The following TM9SF2 variants were observed in gnomAD, a reference collection of about 807,000 sequenced individuals.
TM9SF2 encodes 76 kDa membrane protein.
In TM9SF2, 13 loss-of-function variants were observed where a neutral mutation model predicts 84.9. That is an observed-to-expected ratio of 0.15 (90% CI 0.10 to 0.24). The LOEUF is 0.24. TM9SF2 is among the 10% of genes least tolerant of loss of function. TM9SF2 has a pLI of 1.00. For synonymous variants in TM9SF2, 273 were observed against 285.8 expected, an observed-to-expected ratio of 0.96 and a Z score of 0.45; for missense variants, 562 against 818.5, an observed-to-expected ratio of 0.69 and a Z score of 3.82.
intron 12 of TM9SF2, 116 bp from the exon 13 acceptor site, chr13:99,552,051 A>C: frequency 1.0e-6 from 1 of 982,514 alleles, no homozygotes; most frequent in Admixed American, 2.9e-5. Flanking sequence ...GTGATGCAGC[A>C]ATTCCACTTT....
intron 5 of TM9SF2, 42 bp downstream of exon 5, chr13:99,536,779 C>T: frequency 6.2e-7 from 1 of 1,604,342 alleles, no homozygotes; most frequent in Non-Finnish European, 8.5e-7. Flanking sequence ...TAAAACATGG[C>T]TTTTGATAGA....
intron 3 of TM9SF2, among the ~76,000 whole-genome samples, chr13:99,521,206 A>G (rs993843936): frequency 6.6e-6 from 1 of 152,252 alleles, no homozygotes; most frequent in African/African-American, 2.4e-5. Flanking sequence ...TCCACTTCAC[A>G]GTTTGTTATT....
chr13:99,552,261 G>A lies in TM9SF2; in HGVS notation c.1423G>A (p.Ala475Thr), dbSNP rs1328733980. 3.7e-6 allele frequency: 6 copies of A among 1,613,968 alleles called. No homozygotes were observed. Among genetic ancestry groups the A allele is most frequent in the Non-Finnish European group, 5.1e-6 (6 of 1,179,998 alleles). ...TTTTGGGACACTGGTTGCCATATTG[G>A]CCCTTTGGTTCTGCATATCTGTGCC... ...IPFGTLVAIL[A>T]LWFCISVPLT... The change falls in exon 13 of 17, where the codon GCC becomes ACC. Residue 475 changes from alanine (A) to threonine (T), a missense_variant. Around this residue, in one of 4 missense-constraint regions of TM9SF2, gnomAD observed 219 missense variants for 338.1 expected, o/e 0.65. Coordinates refer to ENST00000376387, the MANE Select transcript of TM9SF2 (RefSeq NM_004800.3).
chr13:99,554,594 C>T, intron 14 of TM9SF2, 139 bp downstream of exon 14: 1 of 908,118 alleles, frequency 1.1e-6, no homozygotes, highest in Non-Finnish European at 1.6e-6. Context: ...AAGCCAAAAG[C>T]TTATTTTTAT....
chr13:99,540,573 C>A, intron 7 of TM9SF2, 141 bp from the exon 8 acceptor site: 1 of 428,744 alleles, frequency 2.3e-6, no homozygotes, highest in Non-Finnish European at 4.1e-6. Context: ...CTCTCCAAAT[C>A]TCAGGACTAA....
chr13:99,517,827 A>T, intron 2 of TM9SF2, 146 bp downstream of exon 2: 2 of 430,580 alleles, frequency 4.6e-6, no homozygotes, highest in East Asian at 3.6e-5. Flanking sequence ...TAAAAATGTG[A>T]TCTTTTTTTT....
chr13:99,538,663 G>C (rs1167916256), intron 6 of TM9SF2, among the ~76,000 whole-genome samples: 1 of 152,012 alleles, frequency 6.6e-6, no homozygotes, highest in East Asian at 1.9e-4. Flanking sequence ...ATGGTGGCAT[G>C]TGCCTGTAGG....
intron 1 of TM9SF2, among the ~76,000 whole-genome samples, chr13:99,509,957 C>T (rs981861267): frequency 2.0e-5 from 3 of 152,164 alleles, no homozygotes; most frequent in Non-Finnish European, 4.4e-5. Flanking sequence ...TTTATTTGAC[C>T]CTTCAGCTAA....
chr13:99,510,378 T>C (rs1327178628), intron 1 of TM9SF2, among the ~76,000 whole-genome samples: 1 of 152,192 alleles, frequency 6.6e-6, no homozygotes, highest in Non-Finnish European at 1.5e-5. Context: ...GGCACCAATT[T>C]TCTTTGTTAG....
At chr13:99,528,299 T>C (rs752089336) in intron 3 of TM9SF2, among the ~76,000 whole-genome samples, 2 of 152,234 alleles carry the variant, frequency 1.3e-5, no homozygotes, top group Non-Finnish European at 2.9e-5. Context: ...GCTATGCCGA[T>C]GCTCAGTTGT....
chr13:99,544,439 G>C (rs2046274650), intron 10 of TM9SF2, among the ~76,000 whole-genome samples: 1 of 152,018 alleles, frequency 6.6e-6, no homozygotes, highest in Non-Finnish European at 1.5e-5. Flanking sequence ...TAAGTGACTT[G>C]GGGCAGGTTT....
chr13:99,532,047 ATT>A (rs1161776586), intron 4 of TM9SF2, among the ~76,000 whole-genome samples: 1 of 144,270 alleles, frequency 6.9e-6, no homozygotes. Context: ...TCTGTGGATG[ATT>A]TTTTTTTTTT....
chr13:99,502,466 T>C (rs2046070772), intron 1 of TM9SF2, among the ~76,000 whole-genome samples: 1 of 152,228 alleles, frequency 6.6e-6, no homozygotes, highest in African/African-American at 2.4e-5. Flanking sequence ...CAAAAAAAGA[T>C]ACGAGGTCTC....
chr13:99,519,927 A>G (rs2046152016), intron 2 of TM9SF2, 109 bp from the exon 3 acceptor site: 3 of 853,894 alleles, frequency 3.5e-6, no homozygotes, highest in South Asian at 3.5e-5. Context: ...TTACTCATCT[A>G]CTAGAGCTGC....
At chr13:99,548,490 G>C (rs886655727) in intron 11 of TM9SF2, among the ~76,000 whole-genome samples, 1 of 152,106 alleles carries the variant, frequency 6.6e-6, no homozygotes, top group Non-Finnish European at 1.5e-5. Context: ...ATCTCAGCCA[G>C]TTTCATTTCT....
At chr13:99,523,511 C>T (rs1043190738) in intron 3 of TM9SF2, among the ~76,000 whole-genome samples, 1 of 152,210 alleles carries the variant, frequency 6.6e-6, no homozygotes, top group Non-Finnish European at 1.5e-5. Flanking sequence ...AATAAAATCC[C>T]AGTCTGCTTT....
At position 99,537,746 on chromosome 13, in the gene TM9SF2, T is replaced by C. The variant is rs772695391; in HGVS notation, c.599T>C (p.Phe200Ser). The change falls in exon 6 of 17, where the codon TTC becomes TCC. Residue 200 changes from phenylalanine to serine, a missense_variant. Physicochemically the swap from Phe to Ser is radical, Grantham distance 155 (BLOSUM62 -2). Around this residue, in one of 4 missense-constraint regions of TM9SF2, gnomAD observed 267 missense variants for 316.7 expected, o/e 0.84. Coordinates refer to ENST00000376387, the MANE Select transcript of TM9SF2 (RefSeq NM_004800.3). ...TTAAGTTCTGTTCTGCAGTCAGATT[T>C]CCATGAAAGAGATACATTTTACATC... ...AKDACVISSD[F>S]HERDTFYIFN... 8.7e-6 allele frequency: 14 copies of C among 1,603,332 alleles called. No individual in the cohort carries two copies.
At chr13:99,541,069 T>C (rs1566570414) in intron 8 of TM9SF2, among the ~76,000 whole-genome samples, 1 of 152,210 alleles carries the variant, frequency 6.6e-6, no homozygotes, top group African/African-American at 2.4e-5. Flanking sequence ...CACATAAGAG[T>C]GTTCAGAAAC....
intron 10 of TM9SF2, among the ~76,000 whole-genome samples, chr13:99,545,770 T>A (rs1378544155): frequency 6.6e-6 from 1 of 152,136 alleles, no homozygotes; most frequent in Non-Finnish European, 1.5e-5. Flanking sequence ...TTTCACCATG[T>A]TGTCCAGGAT....
Sources: gnomAD v4.1 joint callset for allele counts (sites outside exome capture counted in the v4.1 genomes callset) on GRCh38, gnomAD v4.1.1 for gene constraint, gnomAD v4.1.1 regional missense constraint, MANE v1.5 for transcripts, NCBI Gene and HGNC (gene_info 2026-07-23, HGNC 2026-07-21) for gene names.